The following TTC6 variants were observed in gnomAD, a reference collection of about 807,000 sequenced individuals.
TTC6 encodes tetratricopeptide repeat protein 6.
A neutral mutation model predicts 210.4 loss-of-function variants in TTC6; 172 were observed. The ratio of observed to expected loss-of-function variants is 0.82; its 90% CI spans 0.72 to 0.93. The LOEUF (loss-of-function observed/expected upper bound fraction) is 0.93, where lower values mean the gene tolerates loss of function less well. Ranked by LOEUF, TTC6 falls within the 40% of genes least tolerant of loss-of-function variation. The pLI, the probability that TTC6 is intolerant of heterozygous loss-of-function variation, is 0.00. For missense variants in TTC6, 2,414 were observed against 2,318.1 expected (o/e 1.04, Z -0.85); for synonymous variants, 804 against 819.6 (o/e 0.98, Z 0.32).
rs35073797 is a variant in TTC6, at chr14:37,656,514, C to CGT, written c.940-23611_940-23610dup. Among the ~76,000 whole-genome samples, 239 of 147,910 alleles carry CGT rather than the reference C, an allele frequency of 1.6e-3. 3 individuals are homozygous for CGT. The highest frequency in any genetic ancestry group is 1.3e-3 in the Non-Finnish European group (84 of 66,808). ...TAACCTAGTCAGGTGTGTGTGTGTG[C>CGT]GTGTGTGTGTGTGTGTGTGTGTGTG... On this transcript the variant is annotated intron_variant, in intron 1 of 30. Coordinates refer to ENST00000553443, the Ensembl canonical transcript of TTC6.
At chr14:37,816,993 A>G (rs8015058) in intron 25 of TTC6, among the ~76,000 whole-genome samples, 88,159 of 151,806 alleles carry the variant, frequency 0.58, 26,140 homozygotes, top group Non-Finnish European at 0.65. Context: ...CCCTAACTTC[A>G]GATCTGGGGA....
At position 37,704,638 on chromosome 14, in the gene TTC6, G is replaced by A. The variant is rs565790686; in HGVS notation, c.1571+3112G>A. Among the ~76,000 whole-genome samples the A allele has an allele frequency of 2.2e-4, 33 of 151,682 alleles. 1 individual carries two copies. The South Asian group carries it at 5.0e-3, about 23-fold the overall frequency. On this transcript the variant is annotated intron_variant, in intron 5 of 30. Transcript: ENST00000553443. Reference sequence around the variant, plus strand: ...TATATTAAAATTTTAGTTATTTGCCGTATATATTATAGATATATTTTCAAT... The same window carrying A: ...TATATTAAAATTTTAGTTATTTGCCATATATATTATAGATATATTTTCAAT...
At chr14:37,679,791 A>G (rs1054853821) in intron 1 of TTC6, among the ~76,000 whole-genome samples, 14 of 152,016 alleles carry the variant, frequency 9.2e-5, no homozygotes, top group African/African-American at 2.9e-4. Flanking sequence ...CCTGGGTTCA[A>G]GCAATTCTCC....
chr14:37,709,522 C>T (rs1261645950), intron 5 of TTC6, among the ~76,000 whole-genome samples: 1 of 151,806 alleles, frequency 6.6e-6, no homozygotes, highest in East Asian at 1.9e-4. Context: ...CTTGGAAATA[C>T]CCAAAAAGGA....
At chr14:37,636,790 T>C (rs1438738835) in intron 1 of TTC6, among the ~76,000 whole-genome samples, 1 of 152,202 alleles carries the variant, frequency 6.6e-6, no homozygotes, top group African/African-American at 2.4e-5. Flanking sequence ...AATTTTATTA[T>C]AGTTATAGAA....
At chr14:37,804,695 C>T (rs1327361863) in exon 21 of TTC6, 1 of 1,613,658 alleles carries the variant, frequency 6.2e-7, no homozygotes, top group Non-Finnish European at 8.5e-7. Context: ...TGTGGAAGTG[C>T]TTAAGAAGGC....
chr14:37,837,190 C>G, intron 29 of TTC6: 1 of 252,336 alleles, frequency 4.0e-6, no homozygotes, highest in Non-Finnish European at 8.0e-6. Context: ...TTACACAGTT[C>G]AAAGTTCTTT....
chr14:37,598,461 C>A lies in TTC6; in HGVS notation c.-235+2453C>A, dbSNP rs896546017. Among the ~76,000 whole-genome samples, 1 of 152,234 alleles carries A rather than the reference C, an allele frequency of 6.6e-6. No homozygotes were observed. Among genetic ancestry groups the A allele is most frequent in the Non-Finnish European group, 1.5e-5 (1 of 68,034 alleles). ...GAAGCGGCTCCGCCCTTCCCGGAAGCTGCCCTTGCTACACCCGTGGGGCCT... is the reference window on the plus strand; with the variant it reads ...GAAGCGGCTCCGCCCTTCCCGGAAGATGCCCTTGCTACACCCGTGGGGCCT... On this transcript the variant is annotated intron_variant, in intron 1 of 2. Transcript: ENST00000556845. This position sits in a 1 kb window ranked among gnomAD's most constrained non-coding sequence, Gnocchi z 4.9.
In TTC6 at chr14:37,696,744, G is replaced by A. The variant is rs752970043; in HGVS notation, c.1285G>A (p.Glu429Lys). Reference sequence around the variant, plus strand: ...AAAATCACCAGAATTCTTGCAAATCGAAGGAAAAGAAATTAAGCGAATGCG... The same window carrying A: ...AAAATCACCAGAATTCTTGCAAATCAAAGGAAAAGAAATTAAGCGAATGCG... The change falls in exon 4 of 31, where the codon GAA becomes AAA. Residue 429 changes from glutamate (E) to lysine (K), a missense_variant. Glu to Lys is a moderately conservative substitution (Grantham distance 56). Transcript: ENST00000553443. The A allele has an allele frequency of 1.2e-4, 177 of 1,464,628 alleles. 1 individual carries two copies. Among genetic ancestry groups the A allele is most frequent in the Non-Finnish European group, 1.4e-4 (161 of 1,110,892 alleles). 90.7% of individuals were successfully genotyped at this position (1,464,628 alleles called of 1,614,324 possible).
At position 37,745,779 on chromosome 14, in the gene TTC6, C is replaced by A. The variant is rs183606207; in HGVS notation, c.2364-3160C>A. Among the ~76,000 whole-genome samples, 213 of 152,224 alleles carry A rather than the reference C, an allele frequency of 1.4e-3. 3 individuals carry two copies. The highest frequency in any genetic ancestry group is 4.8e-3 in the African/African-American group (198 of 41,536). ...GGTTTGAGTATTCCCCTTTCTCATA[C>A]CTTTAGAAGATTTCAGGGAAAATTC... On this transcript the variant is annotated intron_variant, in intron 10 of 30. Coordinates refer to ENST00000553443, the Ensembl canonical transcript of TTC6.
chr14:37,788,251 C>G (rs1271422138), intron 15 of TTC6, among the ~76,000 whole-genome samples: 1 of 152,136 alleles, frequency 6.6e-6, no homozygotes, highest in African/African-American at 2.4e-5. Flanking sequence ...AGCATAGAGT[C>G]AGTGCTCAGT....
exon 19 of TTC6, chr14:37,796,365 A>G (rs746793926): frequency 3.4e-6 from 4 of 1,181,628 alleles, no homozygotes; most frequent in Non-Finnish European, 4.9e-6. Flanking sequence ...GCAGAAATGG[A>G]CAAAGGTAAG....
At chr14:37,728,221 T>G (rs2095877697) in intron 7 of TTC6, among the ~76,000 whole-genome samples, 1 of 152,206 alleles carries the variant, frequency 6.6e-6, no homozygotes, top group Non-Finnish European at 1.5e-5. Context: ...GCATATTTAT[T>G]TCATTTGATC....
At chr14:37,683,097 G>A (rs981193158) in intron 3 of TTC6, 133 bp downstream of exon 5, 2 of 734,952 alleles carry the variant, frequency 2.7e-6, no homozygotes, top group Admixed American at 2.9e-5. Context: ...ACTCTGAAAA[G>A]GGGGCCTCAG....
exon 1 of TTC6, chr14:37,622,269 G>T: frequency 6.5e-6 from 10 of 1,535,012 alleles, no homozygotes; most frequent in Non-Finnish European, 7.9e-6. Flanking sequence ...TTCCTGCGCC[G>T]CAGCCCGGAC....
At chr14:37,792,776 T>TTGTGTGTGTGTG (rs34766491) in intron 17 of TTC6, among the ~76,000 whole-genome samples, 1 of 140,042 alleles carries the variant, frequency 7.1e-6, no homozygotes, top group African/African-American at 2.7e-5. Flanking sequence ...TGGTCCAATG[T>TTGTGTGTGTGTG]TGTGTGTGTG....
chr14:37,636,453 T>C (rs1595044203), intron 1 of TTC6, among the ~76,000 whole-genome samples: 1 of 151,994 alleles, frequency 6.6e-6, no homozygotes, highest in East Asian at 1.9e-4. Context: ...AAACTAGAAA[T>C]TGATAACAAA....
intron 13 of TTC6, 65 bp from the exon 16 acceptor site, chr14:37,753,034 A>C: frequency 1.6e-6 from 2 of 1,278,290 alleles, no homozygotes; most frequent in South Asian, 3.6e-5. Flanking sequence ...TAGATCACTT[A>C]TGTGATTATA....
At chr14:37,658,100 A>G (rs532553771) in intron 1 of TTC6, among the ~76,000 whole-genome samples, 3 of 152,360 alleles carry the variant, frequency 2.0e-5, no homozygotes, top group African/African-American at 7.2e-5. Flanking sequence ...ACAAGAGAGA[A>G]AATAATTTCC....
Sources: gnomAD v4.1 joint callset for allele counts (sites outside exome capture counted in the v4.1 genomes callset) on GRCh38, gnomAD v4.1.1 for gene constraint, Gnocchi (gnomAD v3.1) non-coding constraint, MANE v1.5 for transcripts, NCBI Gene and HGNC (gene_info 2026-07-23, HGNC 2026-07-21) for gene names.